Variants in DSCAM observed in about 807,000 individuals in gnomAD.
DSCAM encodes the protein DS cell adhesion molecule.
DSCAM carries 47 observed loss-of-function variants against 217.7 expected under a neutral mutation model. The ratio of observed to expected loss-of-function variants is 0.22; its 90% CI spans 0.17 to 0.28. The LOEUF (loss-of-function observed/expected upper bound fraction) is 0.28, where lower values mean the gene tolerates loss of function less well. DSCAM is among the 10% of genes least tolerant of loss of function. DSCAM has a pLI of 1.00. For synonymous variants in DSCAM, 1,056 were observed against 1,015.3 expected (o/e 1.04, Z -0.76); for missense variants, 2,080 against 2,618.3 (o/e 0.79, Z 4.49).
intron 3 of DSCAM, among the ~76,000 whole-genome samples, chr21:40,441,408 T>C (rs1031777589): frequency 2.6e-5 from 4 of 152,210 alleles, no homozygotes; most frequent in African/African-American, 4.8e-5. Context: ...GGATTATTCA[T>C]TGTGACTTAG....
At chr21:40,528,266 G>A (rs772230115) in intron 3 of DSCAM, among the ~76,000 whole-genome samples, 16 of 151,994 alleles carry the variant, frequency 1.1e-4, no homozygotes, top group Non-Finnish European at 2.4e-4. Flanking sequence ...CTCAAATAAG[G>A]CATAAGAGAC....
intron 11 of DSCAM, among the ~76,000 whole-genome samples, chr21:40,232,828 A>G (rs975699926): frequency 5.9e-5 from 9 of 152,188 alleles, no homozygotes; most frequent in Admixed American, 5.9e-4. Context: ...TAGTAGGGTG[A>G]TATTTAAGGA....
At chr21:40,547,367 A>C (rs1038770948) in intron 3 of DSCAM, among the ~76,000 whole-genome samples, 1 of 152,180 alleles carries the variant, frequency 6.6e-6, no homozygotes, top group Non-Finnish European at 1.5e-5. Flanking sequence ...CTCTGCACCC[A>C]AACCTATCAC....
At chr21:40,065,380 G>A (rs1421184345) in intron 27 of DSCAM, among the ~76,000 whole-genome samples, 1 of 152,028 alleles carries the variant, frequency 6.6e-6, no homozygotes, top group Non-Finnish European at 1.5e-5. Flanking sequence ...AAAGAAGATG[G>A]CAAAATCTCA....
chr21:40,461,485 A>G (rs1269879256), intron 3 of DSCAM, among the ~76,000 whole-genome samples: 2 of 152,168 alleles, frequency 1.3e-5, no homozygotes, highest in African/African-American at 4.8e-5. Context: ...GACCTGCTCC[A>G]GGTAACCCAG....
At chr21:40,372,915 G>T (rs2074912946) in intron 3 of DSCAM, among the ~76,000 whole-genome samples, 1 of 152,188 alleles carries the variant, frequency 6.6e-6, no homozygotes, top group African/African-American at 2.4e-5. Flanking sequence ...AGTTCAGTCA[G>T]CCTGGTTAAG....
chr21:40,208,016 C>T (rs60613304), intron 11 of DSCAM, among the ~76,000 whole-genome samples: 5,416 of 152,240 alleles, frequency 0.036, 174 homozygotes, highest in East Asian at 0.13. Context: ...GCAGGAGTTG[C>T]GGCTTCAACA....
intron 16 of DSCAM, among the ~76,000 whole-genome samples, chr21:40,149,629 A>G (rs559151999): frequency 2.1e-5 from 3 of 144,550 alleles, no homozygotes; most frequent in East Asian, 2.1e-4. Flanking sequence ...CTATCCCAAC[A>G]CCACCGTCAC....
chr21:40,623,364 T>C (rs1272518070), intron 3 of DSCAM, among the ~76,000 whole-genome samples: 5 of 152,214 alleles, frequency 3.3e-5, no homozygotes, highest in African/African-American at 9.6e-5. Flanking sequence ...AGCACTTTGA[T>C]GTAGCAAAAA....
chr21:40,757,193 T>A (rs1380819592), intron 1 of DSCAM, among the ~76,000 whole-genome samples: 1 of 151,898 alleles, frequency 6.6e-6, no homozygotes, highest in African/African-American at 2.4e-5. Flanking sequence ...CCGGCTAATT[T>A]TTTTTGTATT....
intron 4 of DSCAM, among the ~76,000 whole-genome samples, chr21:40,363,252 C>CTTTTTTT (rs35756323): frequency 8.6e-5 from 10 of 116,162 alleles, no homozygotes; most frequent in South Asian, 5.8e-4. Context: ...TTTTTGTGTT[C>CTTTTTTT]TTTTTTTTTT....
intron 30 of DSCAM, among the ~76,000 whole-genome samples, chr21:40,048,572 A>ATAAC (rs1438546690): frequency 6.6e-6 from 1 of 152,252 alleles, no homozygotes; most frequent in Non-Finnish European, 1.5e-5. Flanking sequence ...GCCTAGAAAC[A>ATAAC]TAACTTCTAC....
At chr21:40,599,501 A>G (rs2077046678) in intron 3 of DSCAM, among the ~76,000 whole-genome samples, 1 of 152,198 alleles carries the variant, frequency 6.6e-6, no homozygotes, top group African/African-American at 2.4e-5. Flanking sequence ...CCCACATCAG[A>G]AAGCCAGAAA....
chr21:40,675,583 T>C (rs1433527817), intron 3 of DSCAM, among the ~76,000 whole-genome samples: 1 of 152,232 alleles, frequency 6.6e-6, no homozygotes, highest in African/African-American at 2.4e-5. Context: ...ATAAGTCCAA[T>C]TTAAATCACA....
intron 3 of DSCAM, among the ~76,000 whole-genome samples, chr21:40,540,130 A>G (rs1278227176): frequency 6.6e-6 from 1 of 152,176 alleles, no homozygotes; most frequent in Non-Finnish European, 1.5e-5. Context: ...CTAATTATCA[A>G]CTGTCATGCT....
chr21:40,649,203 T>G (rs888008484), intron 3 of DSCAM, among the ~76,000 whole-genome samples: 6 of 152,206 alleles, frequency 3.9e-5, no homozygotes, highest in Non-Finnish European at 7.3e-5. Context: ...TTCAGCTAGC[T>G]TGAACTTAAA....
chr21:40,367,381 A>C (rs555999385), intron 4 of DSCAM, among the ~76,000 whole-genome samples: 2 of 152,070 alleles, frequency 1.3e-5, no homozygotes, highest in African/African-American at 4.8e-5. Flanking sequence ...TTGTCATCCT[A>C]TTTTATCTGT....
rs139848441 is a variant in DSCAM, at chr21:40,124,294, C to T, written c.3597G>A (p.Ala1199=). 291 of 1,613,890 alleles carry T rather than the reference C, an allele frequency of 1.8e-4. No individual in the cohort carries two copies. The highest frequency in any genetic ancestry group is 5.1e-4 in the African/African-American group (38 of 74,966). The part of the protein sequence containing the change: ...PGPPAGVKAA[A]ASASMVFVSW... ...ACACAAAGACCATGGAGGCTGAGGC[C>T]GCCGCTGCCTTCACACCCGCGGGAG... Residue 1199 remains alanine, a synonymous_variant, in exon 20 of 33, where the codon GCG becomes GCA. Transcript: ENST00000400454.
At chr21:40,766,669 C>CAAAAAAA (rs34935219) in intron 1 of DSCAM, among the ~76,000 whole-genome samples, 19 of 66,626 alleles carry the variant, frequency 2.9e-4, no homozygotes, top group African/African-American at 1.2e-3. Flanking sequence ...ACAACAATTC[C>CAAAAAAA]AAAAAAAAAA....
Sources: allele counts gnomAD v4.1 joint callset (sites outside exome capture counted in the v4.1 genomes callset), GRCh38; gene constraint gnomAD v4.1.1; transcripts MANE v1.5; gene names NCBI Gene and HGNC (gene_info 2026-07-23, HGNC 2026-07-21).